GABRA3: variants seen among roughly 807,000 people sequenced by gnomAD.
GABRA3 encodes the protein gamma-aminobutyric acid receptor subunit alpha-3.
In GABRA3, 10 loss-of-function variants were observed where a neutral mutation model predicts 30.1. That is an observed-to-expected ratio of 0.33 (90% CI 0.20 to 0.56). The LOEUF is 0.56. Ranked by LOEUF, GABRA3 falls within the 20% of genes least tolerant of loss-of-function variation. The pLI is 0.89. For synonymous variants in GABRA3, 151 were observed against 146.8 expected (o/e 1.03, Z -0.21); for missense variants, 233 against 392.0 (o/e 0.59, Z 3.42).
At chrX:152,389,656 A>G (rs1929422090) in intron 1 of GABRA3, among the ~76,000 whole-genome samples, 1 of 111,802 alleles carries the variant, frequency 8.9e-6, no homozygotes, top group African/African-American at 3.3e-5. Context: ...AAAGGAGATC[A>G]TGAATACCAT....
In GABRA3 at chrX:152,314,555, C is replaced by G. The variant is rs759000605; in HGVS notation, c.263-29820G>C. Reference sequence around the variant, plus strand: ...CTGCCTACCCCTCTAATTTCATGTCCTTTCTACAGCCCATCCCAACTGGTT... The same window carrying G: ...CTGCCTACCCCTCTAATTTCATGTCGTTTCTACAGCCCATCCCAACTGGTT... On this transcript the variant is annotated intron_variant, in intron 3 of 9. Transcript: ENST00000370314. Among the ~76,000 whole-genome samples the G allele has an allele frequency of 4.5e-5, 5 of 112,023 alleles. No individual in the cohort carries two copies. The South Asian group carries it at 1.1e-3, about 25-fold the overall frequency.
At chrX:152,433,909 T>TTAA (rs1429928273) in intron 1 of GABRA3, among the ~76,000 whole-genome samples, 1 of 111,288 alleles carries the variant, frequency 9.0e-6, no homozygotes, top group East Asian at 2.8e-4. Context: ...GGAAATGAAT[T>TTAA]TAATAATGTA....
At chrX:152,182,533 G>A (rs1340650004) in intron 9 of GABRA3, among the ~76,000 whole-genome samples, 2 of 77,358 alleles carry the variant, frequency 2.6e-5, no homozygotes, top group Non-Finnish European at 4.8e-5. Context: ...CACTATATAT[G>A]CATATATAGT....
rs187118016 is a variant in GABRA3 at position 152,372,056 on chromosome X, G to A, written c.-26-7460C>T. The stretch of plus-strand genomic sequence containing the variant: ...TCAATACTTTCATTGCCCCTTAGCT[G>A]TTCAAAACCACCCCCATGACTGCAA... On this transcript the variant is annotated intron_variant, in intron 1 of 9. Transcript: ENST00000370314. 2.6e-3 allele frequency among the ~76,000 whole-genome samples: 284 copies of A among 111,162 alleles called. 1 individual carries two copies. Among genetic ancestry groups the A allele is most frequent in the African/African-American group, 8.7e-3 (265 of 30,578 alleles).
intron 1 of GABRA3, among the ~76,000 whole-genome samples, chrX:152,399,251 T>C (rs757871711): frequency 9.0e-6 from 1 of 111,619 alleles, no homozygotes; most frequent in Non-Finnish European, 1.9e-5. Context: ...TATTTTACAA[T>C]TGTGCTAAAT....
intron 1 of GABRA3, among the ~76,000 whole-genome samples, chrX:152,388,293 T>C (rs1929381292): frequency 8.9e-6 from 1 of 111,908 alleles, no homozygotes; most frequent in Non-Finnish European, 1.9e-5. Flanking sequence ...AGAATAACTA[T>C]AGCACAGGAG....
At chrX:152,392,247 C>T (rs372715021) in intron 1 of GABRA3, 12 of 385,012 alleles carry the variant, frequency 3.1e-5, no homozygotes, top group East Asian at 1.5e-4. Context: ...CTCAAACATC[C>T]GTGGTGCATG....
rs1044994030 is a variant in GABRA3 at position 152,282,677 on chromosome X, C to T, written c.330+1991G>A. On this transcript the variant is annotated intron_variant, in intron 4 of 9. Transcript: ENST00000370314. ...CCAATTGTTAGAAACGTCTCCAGAG[C>T]CTGGACACACCCATACACGCCTGCT... 6.3e-5 allele frequency among the ~76,000 whole-genome samples: 7 copies of T among 111,696 alleles called. No homozygotes were observed. The Admixed American group carries it at 6.7e-4, about 11-fold the overall frequency.
chrX:152,270,964 CTT>C (rs143686229), intron 4 of GABRA3, among the ~76,000 whole-genome samples: 13 of 97,482 alleles, frequency 1.3e-4, no homozygotes, highest in Admixed American at 2.2e-4. Context: ...CTAGAGACTT[CTT>C]TTTTTTTTTT....
At chrX:152,169,736 T>C (rs1185333041) in intron 9 of GABRA3, among the ~76,000 whole-genome samples, 1 of 111,782 alleles carries the variant, frequency 8.9e-6, no homozygotes, top group African/African-American at 3.3e-5. Flanking sequence ...ATAGATGAGC[T>C]TCAGAAATGC....
chrX:152,359,876 A>G (rs1374191271), intron 2 of GABRA3, among the ~76,000 whole-genome samples: 2 of 112,005 alleles, frequency 1.8e-5, no homozygotes, highest in East Asian at 2.8e-4. Context: ...TCATGCCTCA[A>G]AAGTATTAAT....
intron 3 of GABRA3, among the ~76,000 whole-genome samples, chrX:152,293,534 A>G (rs1458178755): frequency 9.0e-6 from 1 of 111,252 alleles, no homozygotes; most frequent in African/African-American, 3.3e-5. Flanking sequence ...GTGTCTTTTA[A>G]TTGGGGCGTT....
rs1359632782 is a variant in GABRA3 at position 152,273,536 on chromosome X, C to T, written c.330+11132G>A. Among the ~76,000 whole-genome samples the T allele has an allele frequency of 2.7e-5, 3 of 112,324 alleles. 1 individual carries two copies. The highest frequency in any genetic ancestry group is 5.6e-5 in the Non-Finnish European group (3 of 53,295). ...ACAATAGCCAAAATATGGCATTGACCTAAGTGCCCACCAATGGATGAATGC... is the reference window on the plus strand; with the variant it reads ...ACAATAGCCAAAATATGGCATTGACTTAAGTGCCCACCAATGGATGAATGC... On this transcript the variant is annotated intron_variant, in intron 4 of 9. Coordinates refer to ENST00000370314, the MANE Select transcript of GABRA3 (RefSeq NM_000808.4).
In GABRA3 at chrX:152,306,236, T is replaced by C. The variant is rs763308329; in HGVS notation, c.263-21501A>G. On this transcript the variant is annotated intron_variant, in intron 3 of 9. Coordinates refer to ENST00000370314, the MANE Select transcript of GABRA3 (RefSeq NM_000808.4). Reference sequence around the variant, plus strand: ...CTCACACACTGCTGCAGTTGGGGGATGTGGGGAAGAAAACTAGCACGACAA... The same window carrying C: ...CTCACACACTGCTGCAGTTGGGGGACGTGGGGAAGAAAACTAGCACGACAA... Among the ~76,000 whole-genome samples, 3 of 111,500 alleles carry C rather than the reference T, an allele frequency of 2.7e-5. No individual in the cohort carries two copies. In the East Asian group the frequency reaches 8.6e-4, roughly 32 times the overall value.
chrX:152,357,413 C>CA (rs761887563), intron 2 of GABRA3, among the ~76,000 whole-genome samples: 2 of 111,550 alleles, frequency 1.8e-5, no homozygotes, highest in East Asian at 2.8e-4. Flanking sequence ...TTGTTTGCCA[C>CA]AAAAAAATGT....
At chrX:152,180,872 C>T (rs991572288) in intron 9 of GABRA3, among the ~76,000 whole-genome samples, 1 of 111,871 alleles carries the variant, frequency 8.9e-6, no homozygotes, top group Non-Finnish European at 1.9e-5. Flanking sequence ...TATTTTTGTG[C>T]TCTCTATTGT....
chrX:152,417,505 C>A (rs1930258819), intron 1 of GABRA3, among the ~76,000 whole-genome samples: 1 of 105,017 alleles, frequency 9.5e-6, no homozygotes, highest in African/African-American at 3.5e-5. Flanking sequence ...TACCATTTGA[C>A]CCAGCCATCC....
intron 9 of GABRA3, among the ~76,000 whole-genome samples, chrX:152,186,007 A>C (rs1207102524): frequency 9.0e-6 from 1 of 111,341 alleles, no homozygotes; most frequent in East Asian, 2.8e-4. Context: ...TTGATTCCTA[A>C]TTCAGAAAAT....
intron 2 of GABRA3, among the ~76,000 whole-genome samples, chrX:152,346,239 A>G (rs1940390757): frequency 8.9e-6 from 1 of 111,750 alleles, no homozygotes; most frequent in African/African-American, 3.3e-5. Context: ...CACTGGAAAA[A>G]AAGACAGTCT....
Sources: allele counts gnomAD v4.1 joint callset (sites outside exome capture counted in the v4.1 genomes callset), GRCh38; gene constraint gnomAD v4.1.1; transcripts MANE v1.5; gene names NCBI Gene and HGNC (gene_info 2026-07-23, HGNC 2026-07-21).